Variants in FBN1 observed in about 807,000 individuals in gnomAD.
FBN1 encodes fibrillin-1.
In FBN1, 29 loss-of-function variants were observed where a neutral mutation model predicts 365.1. That is an observed-to-expected ratio of 0.08 (90% confidence interval 0.06 to 0.11). The LOEUF is 0.11. FBN1 is among the 10% of genes least tolerant of loss of function. The probability of loss-of-function intolerance (pLI) is 1.00; values close to 1 mark genes in which losing one functional copy is unlikely to be tolerated. For synonymous variants in FBN1, 1,210 were observed against 1,270.5 expected, an observed-to-expected ratio of 0.95 and a Z score of 1.01; for missense variants, 2,476 against 3,703.2, an observed-to-expected ratio of 0.67 and a Z score of 8.60.
At position 48,496,136 on chromosome 15, in the gene FBN1, C is replaced by T. The variant is rs2043606654; in HGVS notation, c.2383G>A (p.Gly795Arg). 1 of 1,613,576 alleles carries T rather than the reference C, an allele frequency of 6.2e-7. No homozygotes were observed. Among genetic ancestry groups the T allele is most frequent in the Non-Finnish European group, 8.5e-7 (1 of 1,179,820 alleles). Reference protein sequence around the residue: ...PGSFVCTCPKGFIYKPDLKTC... With the variant: ...PGSFVCTCPKRFIYKPDLKTC... The stretch of plus-strand genomic sequence containing the variant: ...TTTAGATCAGGTTTGTAGATAAATC[C>T]CTTGGGGCAGGTACAGACAAAACTT... The change falls in exon 20 of 66, where the codon GGA (glycine) becomes AGA (arginine). Residue 795 changes from glycine to arginine, a missense_variant. Transcript: ENST00000316623.
At position 48,452,599 on chromosome 15, in the gene FBN1, C is replaced by T. The variant is rs1432055759; in HGVS notation, c.5508G>A (p.Lys1836=). Reference sequence around the variant, plus strand: ...CTGTGGAGGTGAAGCGGTAGCCGGGCTTACAGTCACAGCGGTAGCTGCCTG... The same window carrying T: ...CTGTGGAGGTGAAGCGGTAGCCGGGTTTACAGTCACAGCGGTAGCTGCCTG... The part of the protein sequence containing the change: ...NTAGSYRCDC[K]PGYRFTSTGQ... The change falls in exon 45 of 66, where the codon AAG becomes AAA. Residue 1836 remains lysine (K), a synonymous_variant. Coordinates refer to ENST00000316623, the MANE Select transcript of FBN1 (RefSeq NM_000138.5). 6.2e-7 allele frequency: 1 copy of T among 1,614,060 alleles called. No individual in the cohort carries two copies. Among genetic ancestry groups the T allele is most frequent in the Non-Finnish European group, 8.5e-7 (1 of 1,180,018 alleles).
chr15:48,572,917 CAA>C (rs969012671), intron 6 of FBN1, among the ~76,000 whole-genome samples: 1 of 151,978 alleles, frequency 6.6e-6, no homozygotes, highest in African/African-American at 2.4e-5. Context: ...TTTTAAAAAA[CAA>C]GAGGCGAAGG....
intron 6 of FBN1, among the ~76,000 whole-genome samples, chr15:48,566,210 C>G (rs2044257590): frequency 6.6e-6 from 1 of 152,164 alleles, no homozygotes; most frequent in Admixed American, 6.6e-5. Flanking sequence ...CACATTTCCA[C>G]CACAGATTTA....
intron 47 of FBN1, 101 bp from the exon 48 acceptor site, chr15:48,445,605 T>C (rs2043152765): frequency 1.5e-6 from 2 of 1,354,644 alleles, no homozygotes; most frequent in African/African-American, 1.4e-5. Context: ...TTCTGAATTT[T>C]AGTGGCCTTT....
At chr15:48,494,098 G>T in intron 23 of FBN1, 106 bp downstream of exon 23, 1 of 864,742 alleles carries the variant, frequency 1.2e-6, no homozygotes, top group Non-Finnish European at 2.0e-6. Context: ...TTTCTCTGCT[G>T]CATATTTCTC....
At chr15:48,417,323 T>C (rs1204357604) in intron 63 of FBN1, among the ~76,000 whole-genome samples, 1 of 151,968 alleles carries the variant, frequency 6.6e-6, no homozygotes, top group Non-Finnish European at 1.5e-5. Context: ...TTAGTATATA[T>C]TCACATTTCC....
chr15:48,549,418 G>A (rs1312429191), intron 6 of FBN1, among the ~76,000 whole-genome samples: 1 of 152,182 alleles, frequency 6.6e-6, no homozygotes, highest in Non-Finnish European at 1.5e-5. Context: ...ACCTGCATGG[G>A]GCAGGGATAG....
chr15:48,426,492 C>T (rs3784625), intron 58 of FBN1, among the ~76,000 whole-genome samples: 3,731 of 152,140 alleles, frequency 0.025, 80 homozygotes, highest in East Asian at 0.081. Context: ...GGGAGACCCT[C>T]ACTCATGGCT....
chr15:48,414,936 C>A (rs1454810853), intron 64 of FBN1, among the ~76,000 whole-genome samples: 1 of 150,774 alleles, frequency 6.6e-6, no homozygotes, highest in Non-Finnish European at 1.5e-5. Flanking sequence ...AACTCTCACA[C>A]AGACACACCT....
At chr15:48,457,992 C>G (rs925600631) in intron 43 of FBN1, among the ~76,000 whole-genome samples, 1 of 152,184 alleles carries the variant, frequency 6.6e-6, no homozygotes, top group Non-Finnish European at 1.5e-5. Flanking sequence ...CTTCACAGAA[C>G]TGTCATCAAC....
intron 52 of FBN1, 120 bp downstream of exon 52, chr15:48,437,202 T>C (rs1200313555): frequency 8.7e-7 from 1 of 1,149,688 alleles, no homozygotes; most frequent in Non-Finnish European, 1.3e-6. Flanking sequence ...GCTATCTAAA[T>C]GAAGGGACAA....
intron 6 of FBN1, among the ~76,000 whole-genome samples, chr15:48,556,481 G>A (rs2044181616): frequency 6.6e-6 from 1 of 152,202 alleles, no homozygotes. Context: ...AATTCCCCTT[G>A]AAATACCCAC....
rs376119827 is a variant in FBN1 at position 48,411,374 on chromosome 15, C to T, written c.8232G>A (p.Gln2744=). The T allele has an allele frequency of 8.4e-5, 136 of 1,613,792 alleles. No homozygotes were observed. The highest frequency in any genetic ancestry group is 1.1e-4 in the Non-Finnish European group (124 of 1,179,980). The part of the protein sequence containing the change: ...NETDASNIED[Q]SETEANVSLA... ...GACTCACATTGGCTTCTGTCTCAGACTGATCCTGGAAAGACACATGGCAAT... is the reference window on the plus strand; with the variant it reads ...GACTCACATTGGCTTCTGTCTCAGATTGATCCTGGAAAGACACATGGCAAT... The change falls in exon 66 of 66, where the codon CAG becomes CAA. Residue 2744 remains glutamine (Q), a synonymous_variant. Coordinates refer to ENST00000316623, the MANE Select transcript of FBN1 (RefSeq NM_000138.5).
At chr15:48,559,529 T>A (rs139166484) in intron 6 of FBN1, among the ~76,000 whole-genome samples, 170 of 152,174 alleles carry the variant, frequency 1.1e-3, no homozygotes, top group African/African-American at 3.9e-3. Context: ...CAAAGCACAG[T>A]TTTTACAATC....
rs2043584113 is a variant in FBN1, at chr15:48,494,212, T to C, written c.2720A>G (p.Gln907Arg). Residue 907 changes from glutamine (Q) to arginine (R), a missense_variant, in exon 23 of 66, where the codon CAA becomes CGA. By Grantham distance (43) the Gln-to-Arg change is conservative. Around this residue, in one of 5 missense-constraint regions of FBN1, gnomAD observed 1,780 missense variants for 2,840.8 expected, o/e 0.63. Coordinates refer to ENST00000316623, the MANE Select transcript of FBN1 (RefSeq NM_000138.5). ...TAAGTAATCAGAAATACCTTCACAT[T>C]GTGTTCCTTTAATTCTTGAGTACCC... ...GKGYSRIKGT[Q>R]CEDIDECEVF... 5 of 1,612,378 alleles carry C rather than the reference T, an allele frequency of 3.1e-6. No individual in the cohort carries two copies. The highest frequency in any genetic ancestry group is 4.2e-6 in the Non-Finnish European group (5 of 1,178,586).
At chr15:48,510,820 G>A (rs775571847) in intron 13 of FBN1, among the ~76,000 whole-genome samples, 3 of 152,070 alleles carry the variant, frequency 2.0e-5, no homozygotes, top group Non-Finnish European at 2.9e-5. Flanking sequence ...AGCTTGACAC[G>A]GAAGTGTTAA....
intron 6 of FBN1, among the ~76,000 whole-genome samples, chr15:48,558,460 C>G (rs12441775): frequency 0.52 from 78,430 of 152,104 alleles, 24,702 homozygotes; most frequent in Non-Finnish European, 0.69. Context: ...CATAAATTAT[C>G]TAAGTCATCT....
chr15:48,547,721 TCACACACACACACA>T (rs57915350), intron 6 of FBN1, among the ~76,000 whole-genome samples: 15,588 of 131,214 alleles, frequency 0.12, 875 homozygotes, highest in Non-Finnish European at 0.14. Flanking sequence ...CTTCTCTCTT[TCACACACACACACA>T]CACACACACA....
At chr15:48,441,692 G>A (rs760578704) in intron 50 of FBN1, 29 bp downstream of exon 50, 2 of 1,612,962 alleles carry the variant, frequency 1.2e-6, no homozygotes, top group Non-Finnish European at 1.7e-6. Context: ...ATGCAGCATT[G>A]AAAGCCCAAA....
Sources: gnomAD v4.1 joint callset for allele counts (sites outside exome capture counted in the v4.1 genomes callset) on GRCh38, gnomAD v4.1.1 for gene constraint, gnomAD v4.1.1 regional missense constraint, MANE v1.5 for transcripts, NCBI Gene and HGNC (gene_info 2026-07-23, HGNC 2026-07-21) for gene names.